The following SPRY4 variants were observed in gnomAD, a reference collection of about 807,000 sequenced individuals.
SPRY4 encodes the protein protein sprouty homolog 4.
A neutral mutation model predicts 17.0 loss-of-function variants in SPRY4; 7 were observed. That is an observed-to-expected ratio of 0.41 (90% CI 0.23 to 0.77). The LOEUF is 0.77. SPRY4 is among the 30% of genes least tolerant of loss of function. The probability of loss-of-function intolerance (pLI) is 0.32; values close to 1 mark genes in which losing one functional copy is unlikely to be tolerated. For synonymous variants in SPRY4, 183 were observed against 174.1 expected, an observed-to-expected ratio of 1.05 and a Z score of -0.40; for missense variants, 435 against 419.9, an observed-to-expected ratio of 1.04 and a Z score of -0.31.
chr5:142,317,774 G>T (rs1355705660), intron 1 of SPRY4: 1 of 985,344 alleles, frequency 1.0e-6, no homozygotes, highest in African/African-American at 1.7e-5. Context: ...AGGAAGCCAG[G>T]ATGGGAGCAG....
Position 142,322,484 on chromosome 5 carries a change from AT to A in SPRY4, c.-48+2359del, listed in dbSNP as rs527656593. On this transcript the variant is annotated intron_variant, in intron 1 of 1. Transcript: ENST00000434127. ...AGACTCGTCTCAAGAAAAAAAAAAAATATATATATATATATATAAATGAAAA... is the reference window on the plus strand; with the variant it reads ...AGACTCGTCTCAAGAAAAAAAAAAAAATATATATATATATATAAATGAAAA... 6.8e-3 allele frequency among the ~76,000 whole-genome samples: 701 copies of A among 103,146 alleles called. 4 individuals carry two copies. The highest frequency in any genetic ancestry group is 0.017 in the African/African-American group (518 of 30,538). 67.7% of individuals were successfully genotyped at this position (103,146 alleles called of 152,430 possible).
At position 142,314,105 on chromosome 5, in the gene SPRY4, G is replaced by A. The variant is rs972699467; in HGVS notation, c.*104C>T. The A allele has an allele frequency of 8.8e-6, 11 of 1,250,088 alleles. No individual in the cohort carries two copies. In the African/African-American group the frequency reaches 1.5e-4, roughly 17 times the overall value. The allele number at this position is 1,250,088 out of a possible 1,614,324, so 77.4% of individuals were successfully genotyped here. On this transcript the variant is annotated 3_prime_UTR_variant, in exon 2 of 2. Transcript: ENST00000434127. This position sits in a 1 kb window ranked among gnomAD's most constrained non-coding sequence, Gnocchi z 4.8. The stretch of plus-strand genomic sequence containing the variant: ...GGGTAGGGAGTGGGCAGACTAGCAA[G>A]GTCAGCCTCAGGAGGCTAAAACCTC...
intron 1 of SPRY4, among the ~76,000 whole-genome samples, chr5:142,321,417 C>T (rs1759340825): frequency 6.6e-6 from 1 of 152,216 alleles, no homozygotes; most frequent in Admixed American, 6.5e-5. Flanking sequence ...AGGGACAATA[C>T]AGCTTTCTGA....
chr5:142,314,516 G>A lies in SPRY4; in HGVS notation c.593C>T (p.Thr198Met), dbSNP rs372822397. ...GATGCCCTGCACCAAACACATGCAC[G>A]TGCCATAGTTGACCAGAGTCTGGGC... ...CSAQTLVNYG[T>M]CMCLVQGIFY... Residue 198 changes from threonine to methionine, a missense_variant, in exon 2 of 2, where the codon ACG becomes ATG. Coordinates refer to ENST00000434127, the MANE Select transcript of SPRY4 (RefSeq NM_001127496.3). The surrounding 1 kb of genome is among the most constrained non-coding windows in gnomAD (Gnocchi z 4.8). 5.0e-6 allele frequency: 8 copies of A among 1,614,108 alleles called. No individual in the cohort carries two copies. Among genetic ancestry groups the A allele is most frequent in the African/African-American group, 2.7e-5 (2 of 74,948 alleles).
chr5:142,318,261 G>A (rs1759226775), intron 1 of SPRY4: 5 of 814,866 alleles, frequency 6.1e-6, no homozygotes, highest in Non-Finnish European at 7.4e-6. Flanking sequence ...AAGGTAGGCA[G>A]ATCACTTGAG....
At chr5:142,317,736 A>G in intron 1 of SPRY4, 1 of 985,040 alleles carries the variant, frequency 1.0e-6, no homozygotes, top group South Asian at 4.7e-5. Context: ...CAGAAAGCAG[A>G]TTCCCCAATT....
At chr5:142,317,890 C>G in intron 1 of SPRY4, 1 of 985,434 alleles carries the variant, frequency 1.0e-6, no homozygotes, top group Non-Finnish European at 1.2e-6. Flanking sequence ...GGGATGGGAG[C>G]TTGGCCCACG....
At chr5:142,320,428 CCCA>C (rs1177875179) in intron 1 of SPRY4, among the ~76,000 whole-genome samples, 2 of 152,058 alleles carry the variant, frequency 1.3e-5, no homozygotes, top group Non-Finnish European at 2.9e-5. Context: ...ATCACTTCAT[CCCA>C]CCACATTACC....
At chr5:142,316,564 A>C (rs960579310) in intron 1 of SPRY4, among the ~76,000 whole-genome samples, 1 of 151,910 alleles carries the variant, frequency 6.6e-6, no homozygotes, top group Non-Finnish European at 1.5e-5. Context: ...AAACAAAACC[A>C]AAAAAAGGCC....
In SPRY4 at chr5:142,313,828, G is replaced by GT. The variant is rs1759019270; in HGVS notation, c.*380_*381insA. 1 of 46,324 alleles carries GT rather than the reference G, an allele frequency of 2.2e-5. No individual in the cohort carries two copies. The allele number at this position is 46,324 out of a possible 1,614,324, so 2.9% of individuals were successfully genotyped here. A position where few individuals can be genotyped will look rare whatever the true frequency, so the allele number is the denominator to read the frequency against. On this transcript the variant is annotated 3_prime_UTR_variant, in exon 2 of 2. Coordinates refer to ENST00000434127, the MANE Select transcript of SPRY4 (RefSeq NM_001127496.3). The stretch of plus-strand genomic sequence containing the variant: ...CAAAGACAATGGAAAAGAGGAAGGG[G>GT]GGGGGGGCGGAGGGAGGGAGGGAGA...
At chr5:142,324,740 G>C (rs1189443616) in intron 1 of SPRY4, 104 bp downstream of exon 1, 1 of 152,720 alleles carries the variant, frequency 6.5e-6, no homozygotes, top group African/African-American at 2.4e-5. Context: ...GGAACACTGA[G>C]GCGCGCCTAG....
At chr5:142,315,378 TC>T (rs911726067) in intron 1 of SPRY4, 6 of 529,060 alleles carry the variant, frequency 1.1e-5, no homozygotes, top group Non-Finnish European at 2.0e-5. Context: ...ATGGAGGTAC[TC>T]TCCTAAGCAC....
chr5:142,320,181 T>TAA (rs756703678), intron 1 of SPRY4, among the ~76,000 whole-genome samples: 11 of 152,148 alleles, frequency 7.2e-5, no homozygotes, highest in Non-Finnish European at 1.6e-4. Context: ...AAAAGGACTT[T>TAA]AAAAAGAGGG....
At chr5:142,319,790 G>T in intron 1 of SPRY4, 1 of 1,609,986 alleles carries the variant, frequency 6.2e-7, no homozygotes, top group East Asian at 2.2e-5. Flanking sequence ...CTCAATACAG[G>T]CTGGCTGAAA....
intron 1 of SPRY4, among the ~76,000 whole-genome samples, chr5:142,315,949 T>G (rs1423707951): frequency 6.6e-6 from 1 of 152,122 alleles, no homozygotes; most frequent in African/African-American, 2.4e-5. Context: ...AAACAAGCCC[T>G]TTATTTCAGA....
rs2126983274 is a variant in SPRY4 at position 142,313,016 on chromosome 5, T to C, written c.*1193A>G. On this transcript the variant is annotated 3_prime_UTR_variant, in exon 2 of 2. Coordinates refer to ENST00000434127, the MANE Select transcript of SPRY4 (RefSeq NM_001127496.3). ...CATTAAAGATACAGACACATCACTATACACAAAAGGCTATGACAGTGAGCA... is the reference window on the plus strand; with the variant it reads ...CATTAAAGATACAGACACATCACTACACACAAAAGGCTATGACAGTGAGCA... 6.5e-6 allele frequency: 1 copy of C among 152,688 alleles called. No individual in the cohort carries two copies. The highest frequency in any genetic ancestry group is 2.1e-4 in the South Asian group (1 of 4,816). The allele number at this position is 152,688 out of a possible 1,614,324, so 9.5% of individuals were successfully genotyped here. A position where few individuals can be genotyped will look rare whatever the true frequency, so the allele number is the denominator to read the frequency against.
In SPRY4 at chr5:142,317,595, A is replaced by C. The variant is rs925512498; in HGVS notation, c.-47-2440T>G. 9.2e-6 allele frequency: 9 copies of C among 973,354 alleles called. No individual in the cohort carries two copies. In the African/African-American group the frequency reaches 9.3e-5, roughly 10 times the overall value. 60.3% of individuals were successfully genotyped at this position (973,354 alleles called of 1,614,324 possible). On this transcript the variant is annotated intron_variant, in intron 1 of 1. Transcript: ENST00000434127. ...GTCATGCTGTGGAAGAAAGTAAAAG[A>C]CTCCCTTTCCTTAAGCAGATTCACT...
At chr5:142,316,905 C>T (rs996086274) in intron 1 of SPRY4, among the ~76,000 whole-genome samples, 4 of 152,216 alleles carry the variant, frequency 2.6e-5, no homozygotes, top group Admixed American at 6.5e-5. Context: ...CTCCCATGGC[C>T]CTGCCTACTT....
intron 1 of SPRY4, among the ~76,000 whole-genome samples, chr5:142,316,626 C>T (rs554421752): frequency 6.6e-6 from 1 of 152,280 alleles, no homozygotes; most frequent in East Asian, 1.9e-4. Flanking sequence ...TTTGCATTTA[C>T]TAAATTTGCA....
Sources: gnomAD v4.1 joint callset for allele counts (sites outside exome capture counted in the v4.1 genomes callset) on GRCh38, gnomAD v4.1.1 for gene constraint, Gnocchi (gnomAD v3.1) non-coding constraint, MANE v1.5 for transcripts, NCBI Gene and HGNC (gene_info 2026-07-23, HGNC 2026-07-21) for gene names.